Variants in PBX3 observed in about 807,000 individuals in gnomAD.
PBX3 encodes the protein pre-B-cell leukemia transcription factor 3.
A neutral mutation model predicts 48.5 loss-of-function variants in PBX3; 14 were observed. That is an observed-to-expected ratio of 0.29 (90% CI 0.19 to 0.45). PBX3 has a LOEUF of 0.45. PBX3 is among the 20% of genes least tolerant of loss of function. The probability of loss-of-function intolerance (pLI) is 1.00; values close to 1 mark genes in which losing one functional copy is unlikely to be tolerated. For missense variants in PBX3, 386 were observed against 546.7 expected, an observed-to-expected ratio of 0.71 and a Z score of 2.93; for synonymous variants, 210 against 200.3, an observed-to-expected ratio of 1.05 and a Z score of -0.41.
intron 3 of PBX3, 82 bp downstream of exon 3, chr9:125,916,009 G>C: frequency 1.3e-6 from 2 of 1,540,518 alleles, no homozygotes; most frequent in Non-Finnish European, 1.7e-6. Flanking sequence ...TCTGAGGGCT[G>C]TGAGGGGTAG....
chr9:125,780,161 C>G (rs1472497942), intron 2 of PBX3, among the ~76,000 whole-genome samples: 2 of 136,756 alleles, frequency 1.5e-5, no homozygotes, highest in African/African-American at 2.7e-5. Flanking sequence ...CCCCTCACCT[C>G]CCGGACGGGG....
intron 5 of PBX3, among the ~76,000 whole-genome samples, chr9:125,952,204 A>T (rs367633284): frequency 1.5e-4 from 23 of 152,144 alleles, no homozygotes; most frequent in African/African-American, 5.1e-4. Context: ...ACAATGGAAA[A>T]TTTTTCTAAG....
At chr9:125,909,273 T>C (rs531261467) in intron 2 of PBX3, among the ~76,000 whole-genome samples, 1 of 152,258 alleles carries the variant, frequency 6.6e-6, no homozygotes, top group Admixed American at 6.5e-5. Context: ...AACAGTACTT[T>C]CAGATTTTTC....
intron 1 of PBX3, 148 bp from the exon 2 acceptor site, chr9:125,748,402 A>C (rs563910761): frequency 3.1e-5 from 44 of 1,417,608 alleles, no homozygotes; most frequent in Admixed American, 4.6e-5. Context: ...GGAACTAGTC[A>C]ACTGGAGTTT....
At chr9:125,928,550 CCAT>C (rs1407852163) in intron 3 of PBX3, among the ~76,000 whole-genome samples, 3 of 151,664 alleles carry the variant, frequency 2.0e-5, no homozygotes, top group African/African-American at 7.3e-5. Flanking sequence ...ACTGCAAGCT[CCAT>C]CGCCTGGGTT....
chr9:125,872,859 A>G (rs1005558603), intron 2 of PBX3, among the ~76,000 whole-genome samples: 10 of 151,576 alleles, frequency 6.6e-5, no homozygotes, highest in South Asian at 2.1e-4. Context: ...GTGTAACAAT[A>G]CTAGATACGT....
chr9:125,875,523 G>T lies in PBX3; in HGVS notation c.275-40163G>T, dbSNP rs138887830. On this transcript the variant is annotated intron_variant, in intron 2 of 8. Transcript: ENST00000373489. ...CTAACTAGGTAGGGAAGGGAAGGAC[G>T]TTCTACTTTAAGAGAACGAGTGCAG... is the stretch of plus-strand genomic sequence containing the variant. 4.1e-3 allele frequency among the ~76,000 whole-genome samples: 617 copies of T among 152,174 alleles called. 6 individuals carry two copies. The highest frequency in any genetic ancestry group is 0.014 in the African/African-American group (597 of 41,494).
intron 8 of PBX3, among the ~76,000 whole-genome samples, chr9:125,963,686 A>G (rs1235718905): frequency 1.1e-4 from 17 of 151,974 alleles, no homozygotes; most frequent in Non-Finnish European, 1.0e-4. Context: ...AAAAGGGGGA[A>G]GGGGGCAGGG....
At chr9:125,844,366 A>G (rs1163479786) in intron 2 of PBX3, among the ~76,000 whole-genome samples, 4 of 150,714 alleles carry the variant, frequency 2.7e-5, no homozygotes, top group Non-Finnish European at 5.9e-5. Flanking sequence ...ATATATTTTG[A>G]TATATTTATA....
In PBX3 at chr9:125,960,731, T is replaced by C. The variant is rs2118815032; in HGVS notation, c.891T>C (p.Ile297=). ...GNKRIRYKKN[I]GKFQEEANLY... is the part of the protein sequence containing the mutation. ...AACGAATCAGGTACAAGAAGAACATTGGCAAGTTTCAGGAAGAAGCCAACC... is the reference window on the plus strand; with the variant it reads ...AACGAATCAGGTACAAGAAGAACATCGGCAAGTTTCAGGAAGAAGCCAACC... The change falls in exon 6 of 9, where the codon ATT becomes ATC. Residue 297 remains isoleucine, a synonymous_variant. Coordinates refer to ENST00000373489, the MANE Select transcript of PBX3 (RefSeq NM_006195.6). 6.2e-7 allele frequency: 1 copy of C among 1,614,184 alleles called. No individual in the cohort carries two copies. The highest frequency in any genetic ancestry group is 1.1e-5 in the South Asian group (1 of 91,078).
At chr9:125,835,015 CAAAAAAAAAAAAAAAAAAAA>C (rs745638368) in intron 2 of PBX3, among the ~76,000 whole-genome samples, 4 of 25,170 alleles carry the variant, frequency 1.6e-4, no homozygotes, top group Admixed American at 5.8e-4. Context: ...AACTCTGTCT[CAAAAAAAAAAAAAAAAAAAA>C]AAAAAAAAAA....
rs1008740723 is a variant in PBX3 at position 125,748,783 on chromosome 9, C to G, written c.274+160C>G. The G allele has an allele frequency of 7.3e-6, 4 of 548,660 alleles. No homozygotes were observed. In the African/African-American group the frequency reaches 7.5e-5, roughly 10 times the overall value. The allele number at this position is 548,660 out of a possible 1,614,324, so 34.0% of individuals were successfully genotyped here. On this transcript the variant is annotated intron_variant, in intron 2 of 8. Coordinates refer to ENST00000373489, the MANE Select transcript of PBX3 (RefSeq NM_006195.6). The stretch of plus-strand genomic sequence containing the variant: ...ATCTTGAGAAAAAACTGCAATAAAT[C>G]TGGAGTCAATTTCTCAGTTCTGCTC...
chr9:125,839,295 A>T (rs1483023222), intron 2 of PBX3, among the ~76,000 whole-genome samples: 1 of 152,190 alleles, frequency 6.6e-6, no homozygotes, highest in Non-Finnish European at 1.5e-5. Flanking sequence ...AACCAGTTAA[A>T]TCTCATTCAT....
chr9:125,819,289 G>A (rs2132153083), intron 2 of PBX3, among the ~76,000 whole-genome samples: 1 of 151,974 alleles, frequency 6.6e-6, no homozygotes, highest in Non-Finnish European at 1.5e-5. Context: ...AGCACTTTGG[G>A]AGGCCTAGGT....
intron 5 of PBX3, among the ~76,000 whole-genome samples, chr9:125,940,666 T>C (rs1285013503): frequency 5.9e-5 from 9 of 152,210 alleles, no homozygotes; most frequent in Admixed American, 4.6e-4. Context: ...TATTTAACAA[T>C]GAGAATGAAT....
chr9:125,890,707 A>G (rs1008283167), intron 2 of PBX3, among the ~76,000 whole-genome samples: 3 of 152,180 alleles, frequency 2.0e-5, no homozygotes, highest in African/African-American at 7.2e-5. Context: ...TATTTCTACA[A>G]TGTAGTGTAT....
At chr9:125,942,549 A>T (rs1032520627) in intron 5 of PBX3, among the ~76,000 whole-genome samples, 2 of 152,268 alleles carry the variant, frequency 1.3e-5, no homozygotes, top group African/African-American at 4.8e-5. Context: ...GGAAAAAAGA[A>T]GATGACTATC....
intron 2 of PBX3, among the ~76,000 whole-genome samples, chr9:125,820,819 A>T (rs767230775): frequency 6.6e-6 from 1 of 152,092 alleles, no homozygotes; most frequent in Admixed American, 6.5e-5. Flanking sequence ...CTTATTTTCT[A>T]TTTGTATTTG....
chr9:125,841,861 C>A (rs998252779), intron 2 of PBX3, among the ~76,000 whole-genome samples: 2 of 152,098 alleles, frequency 1.3e-5, no homozygotes, highest in Non-Finnish European at 2.9e-5. Context: ...TAGAGTGGAA[C>A]ACTTTAGTTA....
Sources: gnomAD v4.1 joint callset for allele counts (sites outside exome capture counted in the v4.1 genomes callset) on GRCh38, gnomAD v4.1.1 for gene constraint, MANE v1.5 for transcripts, NCBI Gene and HGNC (gene_info 2026-07-23, HGNC 2026-07-21) for gene names.